The following ZFYVE9 variants were observed in gnomAD, a reference collection of about 807,000 sequenced individuals.
ZFYVE9 encodes the protein zinc finger FYVE domain-containing protein 9.
ZFYVE9 carries 43 observed loss-of-function variants against 126.7 expected under a neutral mutation model. That is an observed-to-expected ratio of 0.34 (90% confidence interval 0.27 to 0.44). The LOEUF (loss-of-function observed/expected upper bound fraction) is 0.44, where lower values mean the gene tolerates loss of function less well. Among genes scored for constraint, ZFYVE9 ranks in the 20% least tolerant of loss-of-function variants. ZFYVE9 has a pLI of 1.00. For synonymous variants in ZFYVE9, 521 were observed against 597.4 expected, an observed-to-expected ratio of 0.87 and a Z score of 1.87; for missense variants, 1,476 against 1,697.0, an observed-to-expected ratio of 0.87 and a Z score of 2.29.
At chr1:52,253,913 T>A in intron 4 of ZFYVE9, 1 of 1,037,828 alleles carries the variant, frequency 9.6e-7, no homozygotes, top group Non-Finnish European at 1.5e-6. Flanking sequence ...TCAGCCAAAG[T>A]AGGAAATAAT....
At chr1:52,307,755 T>C (rs1438227689) in intron 13 of ZFYVE9, among the ~76,000 whole-genome samples, 10 of 150,966 alleles carry the variant, frequency 6.6e-5, no homozygotes, top group South Asian at 4.2e-4. Flanking sequence ...TTTTCTTCTT[T>C]TTTTTTTTTT....
intron 1 of ZFYVE9, among the ~76,000 whole-genome samples, chr1:52,190,726 C>T (rs1644808693): frequency 6.6e-6 from 1 of 152,106 alleles, no homozygotes; most frequent in African/African-American, 2.4e-5. Context: ...TTAAACATGG[C>T]TGAGATAAAG....
chr1:52,325,440 A>C (rs1646281474), intron 13 of ZFYVE9, among the ~76,000 whole-genome samples: 1 of 152,166 alleles, frequency 6.6e-6, no homozygotes, highest in Admixed American at 6.6e-5. Flanking sequence ...GGGTCACCTG[A>C]GCCCCAGAGG....
At chr1:52,273,918 A>G (rs1206864024) in intron 7 of ZFYVE9, among the ~76,000 whole-genome samples, 1 of 150,588 alleles carries the variant, frequency 6.6e-6, no homozygotes, top group Middle Eastern at 3.2e-3. Context: ...TCCCTTTTTT[A>G]TTGTGGAAAA....
At chr1:52,169,870 C>G (rs796158171) in intron 1 of ZFYVE9, among the ~76,000 whole-genome samples, 5 of 152,258 alleles carry the variant, frequency 3.3e-5, no homozygotes, top group African/African-American at 9.6e-5. Context: ...TCAACTTGGT[C>G]TAGGACTTTA....
chr1:52,218,127 G>A (rs1288801700), intron 2 of ZFYVE9, among the ~76,000 whole-genome samples: 1 of 152,164 alleles, frequency 6.6e-6, no homozygotes, highest in Non-Finnish European at 1.5e-5. Flanking sequence ...GAGGGTCAAA[G>A]GACCCATTTA....
chr1:52,274,320 C>T, intron 7 of ZFYVE9, 144 bp from the exon 8 acceptor site: 1 of 990,484 alleles, frequency 1.0e-6, no homozygotes, highest in Admixed American at 2.6e-5. Flanking sequence ...TTTTTTAATC[C>T]ATGGGTTAAT....
At chr1:52,188,541 A>G (rs933775062) in intron 1 of ZFYVE9, among the ~76,000 whole-genome samples, 3 of 152,236 alleles carry the variant, frequency 2.0e-5, no homozygotes, top group Non-Finnish European at 4.4e-5. Flanking sequence ...TTGGCATTTG[A>G]TGAATATTTT....
intron 4 of ZFYVE9, among the ~76,000 whole-genome samples, chr1:52,256,044 TC>T (rs1645515048): frequency 1.1e-4 from 1 of 9,072 alleles, no homozygotes; most frequent in Admixed American, 2.2e-3. Flanking sequence ...TTTCTTTCTT[TC>T]TCTCTCTCTC....
At chr1:52,251,056 GTTGTTGTT>G (rs1305375597) in intron 4 of ZFYVE9, among the ~76,000 whole-genome samples, 1 of 135,930 alleles carries the variant, frequency 7.4e-6, no homozygotes, top group African/African-American at 2.8e-5. Flanking sequence ...TGTTGTTGTT[GTTGTTGTT>G]TGTTTGTTTT....
At chr1:52,251,116 G>T (rs1645442130) in intron 4 of ZFYVE9, among the ~76,000 whole-genome samples, 1 of 151,778 alleles carries the variant, frequency 6.6e-6, no homozygotes, top group South Asian at 2.1e-4. Flanking sequence ...CTGTCACCCA[G>T]GCTGGAGTGC....
chr1:52,212,659 T>C (rs1021727306), intron 1 of ZFYVE9, among the ~76,000 whole-genome samples: 5 of 152,238 alleles, frequency 3.3e-5, no homozygotes, highest in African/African-American at 1.2e-4. Context: ...TTATATGCTA[T>C]ACTTAATTAA....
chr1:52,241,941 G>A (rs1645337418), intron 4 of ZFYVE9, among the ~76,000 whole-genome samples: 1 of 151,306 alleles, frequency 6.6e-6, no homozygotes, highest in Admixed American at 6.6e-5. Context: ...ACTGCAACAA[G>A]CATATATTGT....
chr1:52,261,189 T>G (rs561575373), intron 4 of ZFYVE9, among the ~76,000 whole-genome samples: 1 of 152,118 alleles, frequency 6.6e-6, no homozygotes, highest in African/African-American at 2.4e-5. Flanking sequence ...AACACGTGAT[T>G]TATATTCACT....
intron 12 of ZFYVE9, among the ~76,000 whole-genome samples, chr1:52,297,625 T>C (rs1645990457): frequency 6.6e-6 from 1 of 152,164 alleles, no homozygotes; most frequent in Non-Finnish European, 1.5e-5. Flanking sequence ...AGCTTTTCGG[T>C]TGCTTTTTGA....
chr1:52,243,948 G>A (rs551357830), intron 4 of ZFYVE9, among the ~76,000 whole-genome samples: 45 of 152,192 alleles, frequency 3.0e-4, no homozygotes, highest in South Asian at 2.1e-4. Flanking sequence ...AGGAGTGAGC[G>A]GAGAGGTAAA....
intron 1 of ZFYVE9, among the ~76,000 whole-genome samples, chr1:52,148,320 C>A (rs976744238): frequency 1.3e-5 from 2 of 151,784 alleles, no homozygotes; most frequent in African/African-American, 4.8e-5. Flanking sequence ...CCTGAAAATA[C>A]AAGCCTTTCG....
chr1:52,253,571 T>C, intron 4 of ZFYVE9: 2 of 870,472 alleles, frequency 2.3e-6, no homozygotes, highest in Non-Finnish European at 3.9e-6. Context: ...ACAGAGCTGC[T>C]GGAGATCCTG....
chr1:52,285,618 C>T (rs1645850877), intron 10 of ZFYVE9, among the ~76,000 whole-genome samples: 1 of 152,170 alleles, frequency 6.6e-6, no homozygotes, highest in Non-Finnish European at 1.5e-5. Context: ...TGTCTCCCAT[C>T]ACCCCCAGAT....
Sources: gnomAD v4.1 joint callset for allele counts (sites outside exome capture counted in the v4.1 genomes callset) on GRCh38, gnomAD v4.1.1 for gene constraint, MANE v1.5 for transcripts, NCBI Gene and HGNC (gene_info 2026-07-23, HGNC 2026-07-21) for gene names.